Variants in WDR49 observed in about 807,000 individuals in gnomAD.
WDR49 encodes WD repeat domain 49, also known as cilia- and flagella-associated protein 337.
In WDR49, 107 loss-of-function variants were observed where a neutral mutation model predicts 119.5. That is an observed-to-expected ratio of 0.90 (90% CI 0.77 to 1.05). The LOEUF is 1.05. Among genes scored for constraint, WDR49 ranks in the 50% least tolerant of loss-of-function variants. The pLI is 0.00. For missense variants in WDR49, 1,240 were observed against 1,220.5 expected (o/e 1.02, Z -0.24); for synonymous variants, 425 against 418.8 (o/e 1.01, Z -0.18).
At chr3:167,580,021 A>G (rs1186949075) in intron 7 of WDR49, among the ~76,000 whole-genome samples, 1 of 152,118 alleles carries the variant, frequency 6.6e-6, no homozygotes, top group Admixed American at 6.6e-5. Context: ...AGTAATTTAT[A>G]TTGGATTTGA....
intron 18 of WDR49, among the ~76,000 whole-genome samples, chr3:167,498,385 C>A (rs185352496): frequency 1.3e-5 from 2 of 152,030 alleles, no homozygotes; most frequent in African/African-American, 4.8e-5. Flanking sequence ...CAAAGAAGGG[C>A]CTGAGGGTTG....
chr3:167,596,870 T>TAATAAATA (rs200934043), intron 7 of WDR49, among the ~76,000 whole-genome samples: 4,572 of 141,296 alleles, frequency 0.032, 187 homozygotes, highest in East Asian at 0.16. Context: ...TAAAGTATAA[T>TAATAAATA]AATAAATAAA....
At chr3:167,593,856 G>A (rs1715267802) in intron 7 of WDR49, among the ~76,000 whole-genome samples, 1 of 152,104 alleles carries the variant, frequency 6.6e-6, no homozygotes, top group Admixed American at 6.6e-5. Context: ...GTTCCCCCAT[G>A]CTGTTCTCAT....
At chr3:167,603,579 G>A (rs752837964) in intron 6 of WDR49, among the ~76,000 whole-genome samples, 8 of 152,132 alleles carry the variant, frequency 5.3e-5, no homozygotes, top group East Asian at 1.9e-4. Context: ...GACCCATTCC[G>A]TAGACCATGT....
Position 167,534,382 on chromosome 3 carries a change from C to T in WDR49, c.1955-1405G>A, listed in dbSNP as rs183965397. Reference sequence around the variant, plus strand: ...AGAGATTGTCTACCCACCAATACAACGGTATTTACTAATACTTTCACAATA... The same window carrying T: ...AGAGATTGTCTACCCACCAATACAATGGTATTTACTAATACTTTCACAATA... On this transcript the variant is annotated intron_variant, in intron 11 of 18. Coordinates refer to ENST00000682715, the MANE Select transcript of WDR49 (RefSeq NM_001366157.1). Among the ~76,000 whole-genome samples the T allele has an allele frequency of 1.0e-3, 152 of 152,178 alleles. No individual in the cohort carries two copies. The Middle Eastern group carries it at 0.014, about 14-fold the overall frequency.
chr3:167,650,337 T>C (rs892045895), intron 2 of WDR49, among the ~76,000 whole-genome samples: 1 of 152,214 alleles, frequency 6.6e-6, no homozygotes, highest in Non-Finnish European at 1.5e-5. Flanking sequence ...GTATTGTAAG[T>C]GCTACAGGGA....
chr3:167,622,611 T>C (rs1716925346), intron 3 of WDR49, among the ~76,000 whole-genome samples: 1 of 152,042 alleles, frequency 6.6e-6, no homozygotes, highest in Non-Finnish European at 1.5e-5. Context: ...GGCATTTCAA[T>C]AATAACAGTG....
At chr3:167,585,563 A>G (rs1444230613) in intron 7 of WDR49, among the ~76,000 whole-genome samples, 1 of 152,060 alleles carries the variant, frequency 6.6e-6, no homozygotes, top group Non-Finnish European at 1.5e-5. Context: ...ATGTATATCT[A>G]TGTGTCTATC....
intron 18 of WDR49, among the ~76,000 whole-genome samples, chr3:167,486,314 GC>G (rs1337753860): frequency 2.0e-5 from 3 of 152,012 alleles, no homozygotes; most frequent in African/African-American, 7.2e-5. Context: ...TAAGTGCATA[GC>G]CCACAGTTCA....
chr3:167,525,511 TGGA>T (rs1229355284), intron 15 of WDR49, among the ~76,000 whole-genome samples: 2 of 152,138 alleles, frequency 1.3e-5, no homozygotes, highest in African/African-American at 4.8e-5. Context: ...AATTATTCAC[TGGA>T]TGAAGAGACA....
intron 2 of WDR49, among the ~76,000 whole-genome samples, chr3:167,652,672 T>C (rs1200250630): frequency 6.6e-6 from 1 of 152,208 alleles, no homozygotes; most frequent in African/African-American, 2.4e-5. Context: ...TTATGCAGAG[T>C]TAAAATGAAA....
intron 18 of WDR49, among the ~76,000 whole-genome samples, chr3:167,496,697 A>G (rs1751367737): frequency 6.6e-6 from 1 of 152,188 alleles, no homozygotes; most frequent in South Asian, 2.1e-4. Flanking sequence ...CTGCGTCTTT[A>G]GCATCCAGCA....
At chr3:167,508,778 C>A (rs1055636997) in intron 16 of WDR49, among the ~76,000 whole-genome samples, 3 of 152,090 alleles carry the variant, frequency 2.0e-5, no homozygotes, top group Non-Finnish European at 2.9e-5. Context: ...ATAGTTATTG[C>A]CAGATTGTTG....
rs57955643 is a variant in WDR49, at chr3:167,573,391, TACACACACACAC to T, written c.1509+2515_1509+2526del. 4.3e-3 allele frequency among the ~76,000 whole-genome samples: 611 copies of T among 142,362 alleles called. 7 individuals carry two copies. Among genetic ancestry groups the T allele is most frequent in the African/African-American group, 0.015 (570 of 38,868 alleles). The allele number at this position is 142,362 out of a possible 152,430, so 93.4% of individuals were successfully genotyped here. A position where few individuals can be genotyped will look rare whatever the true frequency, so the allele number is the denominator to read the frequency against. On this transcript the variant is annotated intron_variant, in intron 8 of 18. Transcript: ENST00000682715. ...AGAATCCAAATAGCTTTATGTGGAA[TACACACACACAC>T]ACACACACACACACACACACACACA...
intron 2 of WDR49, among the ~76,000 whole-genome samples, chr3:167,637,262 C>A (rs554303243): frequency 1.3e-4 from 19 of 151,704 alleles, no homozygotes; most frequent in African/African-American, 4.3e-4. Context: ...TCTTTCCCCA[C>A]TTTATGTTTT....
intron 13 of WDR49, among the ~76,000 whole-genome samples, chr3:167,529,936 T>G (rs1752783647): frequency 6.6e-6 from 1 of 152,056 alleles, no homozygotes; most frequent in African/African-American, 2.4e-5. Context: ...GCTTCACAAA[T>G]GTACTGCCAA....
At chr3:167,597,459 G>A (rs1186734851) in intron 7 of WDR49, among the ~76,000 whole-genome samples, 2 of 152,150 alleles carry the variant, frequency 1.3e-5, no homozygotes, top group South Asian at 4.1e-4. Context: ...TGGGGTTAGA[G>A]CTCCCACAGA....
At chr3:167,574,981 G>T in intron 8 of WDR49, 1 of 805,190 alleles carries the variant, frequency 1.2e-6, no homozygotes, top group Non-Finnish European at 1.5e-6. Context: ...ATAGTGACAC[G>T]ACACACTACC....
intron 5 of WDR49, among the ~76,000 whole-genome samples, chr3:167,611,886 T>A (rs1471094757): frequency 2.0e-5 from 3 of 152,136 alleles, no homozygotes; most frequent in Non-Finnish European, 4.4e-5. Flanking sequence ...GATACAATAA[T>A]ACCTGGCGAC....
Sources: allele counts gnomAD v4.1 joint callset (sites outside exome capture counted in the v4.1 genomes callset), GRCh38; gene constraint gnomAD v4.1.1; transcripts MANE v1.5; gene names NCBI Gene and HGNC (gene_info 2026-07-23, HGNC 2026-07-21).